The following MYOF variants were observed in gnomAD, a reference collection of about 807,000 sequenced individuals.
MYOF encodes myoferlin, also known as fer-1-like 3, myoferlin.
MYOF carries 244 observed loss-of-function variants against 284.2 expected under a neutral mutation model. That is an observed-to-expected ratio of 0.86 (90% CI 0.77 to 0.95). The LOEUF is 0.95. Ranked by LOEUF, MYOF falls within the 40% of genes least tolerant of loss-of-function variation. The pLI is 0.00. For missense variants in MYOF, 2,496 were observed against 2,560.6 expected, an observed-to-expected ratio of 0.97 and a Z score of 0.54; for synonymous variants, 904 against 919.7, an observed-to-expected ratio of 0.98 and a Z score of 0.31.
At position 93,399,424 on chromosome 10, in the gene MYOF, G is replaced by T; in HGVS notation, c.1189C>A (p.Pro397Thr). The T allele has an allele frequency of 6.2e-7, 1 of 1,613,532 alleles. No homozygotes were observed. The highest frequency in any genetic ancestry group is 1.1e-5 in the South Asian group (1 of 91,030). The change falls in exon 13 of 54, where the codon CCT becomes ACT. Residue 397 changes from proline to threonine, a missense_variant. Coordinates refer to ENST00000359263, the MANE Select transcript of MYOF (RefSeq NM_013451.4). ...GNADKKNLVD[P>T]FVEVSFAGKK... ...CCAGCAAAGGAAACTTCTACAAAAG[G>T]ATCCACGAGATTTTTCTTATCTGCA...
Position 93,337,836 on chromosome 10 carries a change from C to T in MYOF, c.4416G>A (p.Gln1472=), listed in dbSNP as rs773127455. 1 of 1,614,044 alleles carries T rather than the reference C, an allele frequency of 6.2e-7. No individual in the cohort carries two copies. The highest frequency in any genetic ancestry group is 1.7e-5 in the Admixed American group (1 of 59,996). Residue 1472 remains glutamine (Q), a synonymous_variant, in exon 40 of 54, where the codon CAG becomes CAA. Coordinates refer to ENST00000359263, the MANE Select transcript of MYOF (RefSeq NM_013451.4). ...GTACCTTGAGCTTGGAATAGCCTTT[C>T]TGAATATACTGTCCGCATTTTTCAT... ...GEHEKCGQYI[Q]KGYSKLKIYN... is the part of the protein sequence containing the mutation.
In MYOF at chr10:93,319,980, T is replaced by A. The variant is rs1842783042; in HGVS notation, c.5490A>T (p.Lys1830Asn). 3.1e-6 allele frequency: 5 copies of A among 1,614,192 alleles called. No homozygotes were observed. The highest frequency in any genetic ancestry group is 4.2e-6 in the Non-Finnish European group (5 of 1,180,012). The change falls in exon 49 of 54, where the codon AAA becomes AAT. Residue 1830 changes from lysine to asparagine, a missense_variant. Lys to Asn is a moderately conservative substitution (Grantham distance 94, BLOSUM62 0). Coordinates refer to ENST00000359263, the MANE Select transcript of MYOF (RefSeq NM_013451.4). ...CCAAAGATCTGTAATGGACATCTGT[T>A]TTCTGTTTGTTTTCTTCATTGCCAG... Reference protein sequence around the residue: ...WIPGNEENKQKTDVHYRSLDG... With the variant: ...WIPGNEENKQNTDVHYRSLDG...
In MYOF at chr10:93,406,376, T is replaced by C. The variant is rs368585731; in HGVS notation, c.730-2157A>G. Among the ~76,000 whole-genome samples, 28 of 145,774 alleles carry C rather than the reference T, an allele frequency of 1.9e-4. No individual in the cohort carries two copies. The East Asian group carries it at 5.3e-3, about 28-fold the overall frequency. ...CCCGTAAAATTTTTTTATCGATTAA[T>C]GTACTGGACTTCTCTTTTGCCAAGA... On this transcript the variant is annotated intron_variant, in intron 7 of 53. Coordinates refer to ENST00000359263, the MANE Select transcript of MYOF (RefSeq NM_013451.4).
chr10:93,453,777 T>C (rs1016340862), intron 2 of MYOF, among the ~76,000 whole-genome samples: 3 of 152,074 alleles, frequency 2.0e-5, no homozygotes, highest in South Asian at 2.1e-4. Flanking sequence ...CCCAGCTGCT[T>C]GGGAGGCTGA....
chr10:93,337,635 C>T (rs1843675930), intron 40 of MYOF, 180 bp downstream of exon 40: 1 of 562,944 alleles, frequency 1.8e-6, no homozygotes, highest in Admixed American at 3.4e-5. Context: ...GTCCTCAAGT[C>T]CCTGGAATCT....
chr10:93,372,799 C>T (rs1001260619), intron 24 of MYOF, 131 bp downstream of exon 24: 17 of 1,098,212 alleles, frequency 1.5e-5, no homozygotes, highest in Non-Finnish European at 2.1e-5. Context: ...GAGAGAGGGA[C>T]CAGGATGGGC....
intron 5 of MYOF, among the ~76,000 whole-genome samples, chr10:93,412,258 T>C (rs567776686): frequency 1.3e-5 from 2 of 152,340 alleles, no homozygotes; most frequent in South Asian, 4.1e-4. Context: ...GGACATGTTA[T>C]GCTCCTAGTA....
chr10:93,419,882 A>G (rs541779819), intron 5 of MYOF, among the ~76,000 whole-genome samples: 1 of 152,346 alleles, frequency 6.6e-6, no homozygotes, highest in East Asian at 1.9e-4. Context: ...CTGTAATCCC[A>G]GCACTTTGGG....
At position 93,373,071 on chromosome 10, in the gene MYOF, C is replaced by A. The variant is rs763272939; in HGVS notation, c.2316G>T (p.Met772Ile). The A allele has an allele frequency of 6.2e-7, 1 of 1,614,182 alleles. No homozygotes were observed. The highest frequency in any genetic ancestry group is 1.7e-5 in the Admixed American group (1 of 60,018). The change falls in exon 24 of 54, where the codon ATG (methionine) becomes ATT (isoleucine). Residue 772 changes from methionine (M) to isoleucine (I), a missense_variant. By Grantham distance (10) the Met-to-Ile change is conservative. Around this residue, in one of 3 missense-constraint regions of MYOF, gnomAD observed 2,436 missense variants for 2,480.7 expected, o/e 0.98. Transcript: ENST00000359263. Reference protein sequence around the residue: ...MQLTEEPQNSMPDIIIWMIRG... With the variant: ...MQLTEEPQNSIPDIIIWMIRG... ...GGATCATCCAGATGATGATGTCAGG[C>A]ATGCTGTTCTGTGGCTGGTCATGAG...
At position 93,426,097 on chromosome 10, in the gene MYOF, CTCA is replaced by C. The variant is rs1444755879; in HGVS notation, c.404_406del (p.Leu135_Ser136delinsArg). ...TCCCATGCCTGGCACGCTGGGCCCG[CTCA>C]GGTCATTTGGATGTGGAGCAGAAGG... On this transcript the variant is annotated inframe_deletion, in exon 5 of 54. Coordinates refer to ENST00000359263, the MANE Select transcript of MYOF (RefSeq NM_013451.4). The C allele has an allele frequency of 6.4e-7, 1 of 1,559,748 alleles. No homozygotes were observed. Among genetic ancestry groups the C allele is most frequent in the East Asian group, 2.4e-5 (1 of 41,892 alleles).
intron 20 of MYOF, 41 bp downstream of exon 20, chr10:93,381,178 C>T: frequency 6.2e-7 from 1 of 1,604,826 alleles, no homozygotes; most frequent in South Asian, 1.1e-5. Flanking sequence ...GTGGTGCACC[C>T]ATTGTAAACG....
At chr10:93,439,990 C>A (rs1049320013) in intron 3 of MYOF, among the ~76,000 whole-genome samples, 5 of 152,210 alleles carry the variant, frequency 3.3e-5, no homozygotes, top group Non-Finnish European at 7.3e-5. Context: ...ACATATACCA[C>A]AAATCCTTTT....
intron 37 of MYOF, among the ~76,000 whole-genome samples, chr10:93,344,985 G>A (rs1006268514): frequency 1.3e-5 from 2 of 152,094 alleles, no homozygotes; most frequent in African/African-American, 2.4e-5. Context: ...AAGGGGTGGG[G>A]GATACCAAAG....
Position 93,351,523 on chromosome 10 carries a change from G to T in MYOF, c.3712C>A (p.Leu1238Met), listed in dbSNP as rs1411891956. 1.2e-6 allele frequency: 2 copies of T among 1,614,196 alleles called. No individual in the cohort carries two copies. The highest frequency in any genetic ancestry group is 1.7e-5 in the Admixed American group (1 of 60,022). Residue 1238 changes from leucine to methionine, a missense_variant, in exon 34 of 54, where the codon CTG becomes ATG. Transcript: ENST00000359263. ...GRSIFSPVVK[L>M]NSEMDITPKL... ...GGTGTGATGTCCATTTCTGAGTTCA[G>T]TTTCACCACAGGAGAGAAAATGCTT...
chr10:93,371,673 A>G (rs1022577654), intron 24 of MYOF, among the ~76,000 whole-genome samples: 1 of 152,204 alleles, frequency 6.6e-6, no homozygotes, highest in Non-Finnish European at 1.5e-5. Context: ...TTCGATCTCT[A>G]TTATAGTAAA....
chr10:93,323,393 T>G (rs765684106), intron 46 of MYOF, 35 bp from the exon 47 acceptor site: 102 of 1,538,152 alleles, frequency 6.6e-5, no homozygotes, highest in Non-Finnish European at 8.9e-5. Context: ...GGACTGAAGT[T>G]ATATGATGGG....
chr10:93,479,568 A>C (rs1345280702), intron 1 of MYOF, among the ~76,000 whole-genome samples: 3 of 152,158 alleles, frequency 2.0e-5, no homozygotes, highest in Non-Finnish European at 1.5e-5. Flanking sequence ...AATGCATTTC[A>C]CATCTTGCTG....
In MYOF at chr10:93,314,623, A is replaced by G. The variant is rs543333031; in HGVS notation, c.5699-1413T>C. Among the ~76,000 whole-genome samples the G allele has an allele frequency of 2.0e-5, 3 of 152,330 alleles. No homozygotes were observed. In the East Asian group the frequency reaches 5.8e-4, roughly 29 times the overall value. On this transcript the variant is annotated intron_variant, in intron 50 of 53. Coordinates refer to ENST00000359263, the MANE Select transcript of MYOF (RefSeq NM_013451.4). The stretch of plus-strand genomic sequence containing the variant: ...CTACCCTTCAGCATATAGTGGACCC[A>G]TAAGACACGTGACCTTAGCCTTTCT...
At chr10:93,463,459 G>A (rs2056931331) in intron 1 of MYOF, among the ~76,000 whole-genome samples, 1 of 139,996 alleles carries the variant, frequency 7.1e-6, no homozygotes, top group African/African-American at 2.6e-5. Context: ...TAGTGCAGTG[G>A]TGCAATCTTG....
Sources: allele counts gnomAD v4.1 joint callset (sites outside exome capture counted in the v4.1 genomes callset), GRCh38; gene constraint gnomAD v4.1.1; regional missense constraint gnomAD v4.1.1; transcripts MANE v1.5; gene names NCBI Gene and HGNC (gene_info 2026-07-23, HGNC 2026-07-21).